The following DNER variants were observed in gnomAD, a reference collection of about 807,000 sequenced individuals.
DNER encodes the protein delta and Notch-like epidermal growth factor-related receptor.
Under a neutral mutation model 78.2 loss-of-function variants are expected in DNER, and 33 were observed. The observed-to-expected ratio is 0.42, with a 90% CI of 0.32 to 0.56. The LOEUF is 0.56. Among genes scored for constraint, DNER ranks in the 20% least tolerant of loss-of-function variants. The pLI, the probability that DNER is intolerant of heterozygous loss-of-function variation, is 0.11. For missense variants in DNER, 918 were observed against 975.3 expected, an observed-to-expected ratio of 0.94 and a Z score of 0.78; for synonymous variants, 417 against 384.8, an observed-to-expected ratio of 1.08 and a Z score of -0.98.
At chr2:229,523,273 T>C (rs144767912) in intron 5 of DNER, among the ~76,000 whole-genome samples, 171 of 152,352 alleles carry the variant, frequency 1.1e-3, no homozygotes, top group African/African-American at 3.9e-3. Flanking sequence ...GTTTCTTTCC[T>C]ACTCTTTCTG....
chr2:229,691,907 TG>T (rs1699581732), intron 1 of DNER, among the ~76,000 whole-genome samples: 1 of 152,194 alleles, frequency 6.6e-6, no homozygotes, highest in Non-Finnish European at 1.5e-5. Flanking sequence ...AGGACTTTCC[TG>T]ATCAACTGAA....
At chr2:229,574,679 T>C (rs1697267022) in intron 4 of DNER, among the ~76,000 whole-genome samples, 1 of 152,128 alleles carries the variant, frequency 6.6e-6, no homozygotes, top group Non-Finnish European at 1.5e-5. Context: ...AAATAGACAA[T>C]AGAGTCTTTT....
intron 1 of DNER, among the ~76,000 whole-genome samples, chr2:229,670,806 G>A (rs1294504794): frequency 1.3e-5 from 2 of 152,166 alleles, no homozygotes; most frequent in Non-Finnish European, 2.9e-5. Context: ...TGGCTACTTT[G>A]AGTAAGGAAC....
At chr2:229,620,732 C>T (rs1176144319) in intron 1 of DNER, among the ~76,000 whole-genome samples, 2 of 152,206 alleles carry the variant, frequency 1.3e-5, no homozygotes, top group Non-Finnish European at 2.9e-5. Context: ...AGTCCCATCC[C>T]TCGGTATGTC....
intron 10 of DNER, among the ~76,000 whole-genome samples, chr2:229,397,002 A>G (rs1005493154): frequency 1.2e-4 from 18 of 152,282 alleles, no homozygotes; most frequent in Non-Finnish European, 1.6e-4. Context: ...GTGGGTTTGC[A>G]TAGACCTGCC....
At chr2:229,487,305 T>C (rs1260948332) in intron 6 of DNER, among the ~76,000 whole-genome samples, 1 of 152,252 alleles carries the variant, frequency 6.6e-6, no homozygotes, top group Non-Finnish European at 1.5e-5. Context: ...ACTCATTATA[T>C]AGTAAACTAA....
intron 6 of DNER, among the ~76,000 whole-genome samples, chr2:229,493,623 C>A (rs1296576052): frequency 6.6e-6 from 1 of 152,164 alleles, no homozygotes; most frequent in Non-Finnish European, 1.5e-5. Flanking sequence ...CTACCATACA[C>A]CTGTATGGCT....
At chr2:229,714,002 GGCCAAGAGACTGGATCC>G (rs1699951432) in intron 1 of DNER, 129 bp downstream of exon 1, 1 of 882,434 alleles carries the variant, frequency 1.1e-6, no homozygotes. Flanking sequence ...CGTCCACGCG[GGCCAAGAGACTGGATCC>G]ATCTTCTTCC....
At chr2:229,678,375 G>C (rs1057049751) in intron 1 of DNER, among the ~76,000 whole-genome samples, 2 of 152,156 alleles carry the variant, frequency 1.3e-5, no homozygotes, top group Non-Finnish European at 2.9e-5. Flanking sequence ...CATGCATCAT[G>C]AATTCTTCAG....
At chr2:229,547,941 C>A (rs1441002470) in intron 4 of DNER, among the ~76,000 whole-genome samples, 1 of 152,126 alleles carries the variant, frequency 6.6e-6, no homozygotes, top group Non-Finnish European at 1.5e-5. Flanking sequence ...ATTATTTTCA[C>A]TAAGTGAGCA....
chr2:229,700,489 C>A (rs1318845384), intron 1 of DNER, among the ~76,000 whole-genome samples: 1 of 151,784 alleles, frequency 6.6e-6, no homozygotes, highest in Non-Finnish European at 1.5e-5. Context: ...GTGTGTGCTA[C>A]CACACTCAGC....
intron 1 of DNER, among the ~76,000 whole-genome samples, chr2:229,625,001 G>A (rs997688414): frequency 2.0e-5 from 3 of 151,944 alleles, no homozygotes; most frequent in Non-Finnish European, 2.9e-5. Context: ...TGAGGAATTC[G>A]CTATTATTTC....
intron 4 of DNER, among the ~76,000 whole-genome samples, chr2:229,573,444 T>G (rs1346096610): frequency 2.0e-4 from 31 of 152,352 alleles, no homozygotes; most frequent in Non-Finnish European, 2.9e-5. Context: ...CTCTGAGTTT[T>G]ATACCCAAGA....
intron 1 of DNER, among the ~76,000 whole-genome samples, chr2:229,612,077 A>G (rs1314695597): frequency 6.6e-6 from 1 of 152,240 alleles, no homozygotes; most frequent in Non-Finnish European, 1.5e-5. Flanking sequence ...AAGCGCTGCT[A>G]GAGTCAAATC....
At chr2:229,477,052 T>A in intron 7 of DNER, 88 bp downstream of exon 7, 1 of 1,053,938 alleles carries the variant, frequency 9.5e-7, no homozygotes, top group South Asian at 1.6e-5. Context: ...TTGTGTAGAG[T>A]TTTGCAGAAA....
intron 4 of DNER, among the ~76,000 whole-genome samples, chr2:229,578,960 T>C (rs1196962899): frequency 6.6e-6 from 1 of 152,214 alleles, no homozygotes; most frequent in Non-Finnish European, 1.5e-5. Flanking sequence ...TACCTTTATA[T>C]AAATGTGTTC....
intron 4 of DNER, among the ~76,000 whole-genome samples, chr2:229,552,430 T>C (rs761104199): frequency 5.3e-5 from 8 of 152,186 alleles, no homozygotes; most frequent in Non-Finnish European, 1.2e-4. Context: ...CCAAATTTCA[T>C]TGTGAATTGT....
At chr2:229,561,770 G>A (rs1016069328) in intron 4 of DNER, among the ~76,000 whole-genome samples, 5 of 152,200 alleles carry the variant, frequency 3.3e-5, no homozygotes, top group Non-Finnish European at 4.4e-5. Flanking sequence ...TTTGAACTGC[G>A]GGAATAACTG....
intron 1 of DNER, among the ~76,000 whole-genome samples, chr2:229,604,180 GGGGACTCCAAAGACA>G (rs1459078276): frequency 2.0e-5 from 3 of 152,116 alleles, no homozygotes; most frequent in Non-Finnish European, 2.9e-5. Flanking sequence ...CACTTTTGTT[GGGGACTCCAAAGACA>G]GGGACTCCAA....
Sources: gnomAD v4.1 joint callset for allele counts (sites outside exome capture counted in the v4.1 genomes callset) on GRCh38, gnomAD v4.1.1 for gene constraint, MANE v1.5 for transcripts, NCBI Gene and HGNC (gene_info 2026-07-23, HGNC 2026-07-21) for gene names.